PRKAR1A: variants seen among roughly 807,000 people sequenced by gnomAD.
The protein encoded by PRKAR1A is cAMP-dependent protein kinase type I-alpha regulatory subunit.
Under a neutral mutation model 52.0 loss-of-function variants are expected in PRKAR1A, and 3 were observed. That is an observed-to-expected ratio of 0.06 (90% CI 0.03 to 0.15). PRKAR1A has a LOEUF of 0.15. Among genes scored for constraint, PRKAR1A ranks in the 10% least tolerant of loss-of-function variants. The pLI is 1.00. For synonymous variants in PRKAR1A, 188 were observed against 168.4 expected (o/e 1.12, Z -0.90); for missense variants, 240 against 477.4 (o/e 0.50, Z 4.63).
At chr17:68,542,861 G>T in intron 11 of PRKAR1A, 3 of 1,437,582 alleles carry the variant, frequency 2.1e-6, no homozygotes, top group Non-Finnish European at 2.9e-6. Flanking sequence ...GGAGTGAGGA[G>T]GAGGGGTTTT....
Position 68,512,480 on chromosome 17 carries a change from G to T in PRKAR1A, c.-75G>T, listed in dbSNP as rs559757120. ...AGAGTGGAGCGGGGCTGGGAGCAAA[G>T]CGCTGAGGGAGCTCGGTACGCCGCC... On this transcript the variant is annotated 5_prime_UTR_variant, in exon 1 of 11. Coordinates refer to ENST00000589228, the MANE Select transcript of PRKAR1A (RefSeq NM_002734.5). 1.8e-3 allele frequency: 272 copies of T among 153,980 alleles called. 1 individual carries two copies. The highest frequency in any genetic ancestry group is 5.5e-3 in the African/African-American group (229 of 41,580). 9.5% of individuals were successfully genotyped at this position (153,980 alleles called of 1,614,324 possible).
At chr17:68,457,533 C>A in the PRKAR1A span, 1 of 199,290 alleles carries the variant, frequency 5.0e-6, no homozygotes, top group South Asian at 1.3e-4. Flanking sequence ...CCCTACCCCG[C>A]CCCGTCCCCA....
intron 1 of PRKAR1A, chr17:68,514,689 T>C (rs1216812268): frequency 6.6e-6 from 1 of 152,242 alleles, no homozygotes; most frequent in Non-Finnish European, 1.5e-5. Flanking sequence ...TCCAAATGTT[T>C]TACAGTTTAT....
the PRKAR1A span, among the ~76,000 whole-genome samples, chr17:68,486,494 CTTCCTTCCTTCCTTCTTTCT>C: frequency 0.032 from 2,094 of 64,588 alleles, 11 homozygotes; most frequent in Non-Finnish European, 0.034. Flanking sequence ...TCCTTCCTTC[CTTCCTTCCTTCCTTCTTTCT>C]TTCTTTCTTT....
the PRKAR1A span, among the ~76,000 whole-genome samples, chr17:68,497,450 T>C: frequency 6.6e-6 from 1 of 152,228 alleles, no homozygotes; most frequent in Admixed American, 6.5e-5. Context: ...AATATGGTAG[T>C]CACTAGCTAC....
intron 11 of PRKAR1A, chr17:68,542,096 G>A (rs1298068750): frequency 6.2e-7 from 1 of 1,613,840 alleles, no homozygotes; most frequent in Non-Finnish European, 8.5e-7. Flanking sequence ...CAGCAGGTGT[G>A]GGTTGCCACA....
downstream of PRKAR1A, chr17:68,536,215 C>CT (rs1568712922): frequency 2.2e-6 from 1 of 454,098 alleles, no homozygotes; most frequent in Admixed American, 2.3e-5. Context: ...ACCTTGTACT[C>CT]TCTTTAGTGA....
the PRKAR1A span, among the ~76,000 whole-genome samples, chr17:68,424,858 CAG>C: frequency 1.3e-5 from 2 of 152,224 alleles, no homozygotes; most frequent in African/African-American, 2.4e-5. Flanking sequence ...GCCTGGGTGA[CAG>C]AGCAAGACTC....
the PRKAR1A span, among the ~76,000 whole-genome samples, chr17:68,429,716 G>A: frequency 6.6e-6 from 1 of 152,106 alleles, no homozygotes; most frequent in East Asian, 1.9e-4. Flanking sequence ...AACCTCCCAA[G>A]TAGCTGGGAC....
At chr17:68,515,598 T>C in intron 2 of PRKAR1A, 22 bp downstream of exon 2, 1 of 1,604,978 alleles carries the variant, frequency 6.2e-7, no homozygotes, top group Non-Finnish European at 8.5e-7. Flanking sequence ...TGTGGGGAGA[T>C]GATGAGGTGA....
In PRKAR1A at chr17:68,532,986, C is replaced by T. The variant is rs925346689; in HGVS notation, c.*2537C>T. 2 of 1,065,722 alleles carry T rather than the reference C, an allele frequency of 1.9e-6. No homozygotes were observed. The highest frequency in any genetic ancestry group is 2.3e-6 in the Non-Finnish European group (2 of 879,692). The allele number at this position is 1,065,722 out of a possible 1,614,324, so 66.0% of individuals were successfully genotyped here. A position where few individuals can be genotyped will look rare whatever the true frequency, so the allele number is the denominator to read the frequency against. ...AATTGAGATGTAGCAGATTTATTTA[C>T]TTAGTCATGGAAAGAAAAAAATTCA... On this transcript the variant is annotated 3_prime_UTR_variant, in exon 11 of 11. Coordinates refer to ENST00000589228, the MANE Select transcript of PRKAR1A (RefSeq NM_002734.5).
the PRKAR1A span, among the ~76,000 whole-genome samples, chr17:68,431,790 A>AG: frequency 6.7e-6 from 1 of 150,016 alleles, no homozygotes; most frequent in South Asian, 2.1e-4. Context: ...GAGAACCCAG[A>AG]ACAGCTTGGA....
At chr17:68,419,048 T>A in the PRKAR1A span, among the ~76,000 whole-genome samples, 1 of 147,984 alleles carries the variant, frequency 6.8e-6, no homozygotes, top group Non-Finnish European at 1.5e-5. Flanking sequence ...ATCGGAATCA[T>A]AAAGAGCCAA....
At chr17:68,542,749 T>C (rs2086363752) in intron 11 of PRKAR1A, 1 of 1,614,134 alleles carries the variant, frequency 6.2e-7, no homozygotes, top group African/African-American at 1.3e-5. Context: ...CCTCTAGGAT[T>C]TCCTTGGTGA....
At chr17:68,434,873 T>C in the PRKAR1A span, among the ~76,000 whole-genome samples, 12,558 of 152,258 alleles carry the variant, frequency 0.082, 679 homozygotes, top group South Asian at 0.21. Context: ...TGTGTGTGCA[T>C]GTGTGTGTTC....
At chr17:68,498,018 T>A in the PRKAR1A span, among the ~76,000 whole-genome samples, 3 of 151,748 alleles carry the variant, frequency 2.0e-5, no homozygotes, top group Non-Finnish European at 4.4e-5. Flanking sequence ...GATTGACACT[T>A]ACATGCTTGT....
chr17:68,430,405 C>T, the PRKAR1A span, among the ~76,000 whole-genome samples: 1 of 152,222 alleles, frequency 6.6e-6, no homozygotes, highest in Non-Finnish European at 1.5e-5. Flanking sequence ...CCCAATGCTA[C>T]TGCTTTCCCC....
At chr17:68,542,306 G>A in intron 11 of PRKAR1A, 1 of 962,684 alleles carries the variant, frequency 1.0e-6, no homozygotes, top group East Asian at 2.6e-5. Context: ...AGGAAACATT[G>A]ACTTTTCCAG....
the PRKAR1A span, among the ~76,000 whole-genome samples, chr17:68,505,107 C>T: frequency 6.6e-6 from 1 of 152,072 alleles, no homozygotes; most frequent in African/African-American, 2.4e-5. Context: ...CTAGCCTGGG[C>T]AATGTGGCAA....
Sources: gnomAD v4.1 joint callset for allele counts (sites outside exome capture counted in the v4.1 genomes callset) on GRCh38, gnomAD v4.1.1 for gene constraint, MANE v1.5 for transcripts, NCBI Gene and HGNC (gene_info 2026-07-23, HGNC 2026-07-21) for gene names.